The following TUSC2 variants were observed in gnomAD, a reference collection of about 807,000 sequenced individuals.
TUSC2 encodes tumor suppressor 2, mitochondrial calcium regulator, also known as tumor suppressor candidate 2.
A neutral mutation model predicts 11.5 loss-of-function variants in TUSC2; 7 were observed. That is an observed-to-expected ratio of 0.61 (90% CI 0.35 to 1.14). The LOEUF (loss-of-function observed/expected upper bound fraction) is 1.14. Among genes scored for constraint, TUSC2 ranks in the 50% most tolerant of loss-of-function variants. TUSC2 has a pLI of 0.03. For missense variants in TUSC2, 132 were observed against 155.0 expected (o/e 0.85, Z 0.79); for synonymous variants, 61 against 64.1 (o/e 0.95, Z 0.23).
rs782289758 is a variant in TUSC2, at chr3:50,326,073, G to A, written c.*48C>T. 1 of 1,552,986 alleles carries A rather than the reference G, an allele frequency of 6.4e-7. No homozygotes were observed. Among genetic ancestry groups the A allele is most frequent in the Non-Finnish European group, 8.7e-7 (1 of 1,147,174 alleles). ...GAAGCCACACCTTGATTGAGCCTGG[G>A]AGTTTCTTGCCGGGGCAGGGGGTGC... On this transcript the variant is annotated 3_prime_UTR_variant, in exon 3 of 3. Coordinates refer to ENST00000232496, the MANE Select transcript of TUSC2 (RefSeq NM_007275.3).
rs1553717668 is a variant in TUSC2, at chr3:50,328,135, G to A, written c.-36C>T. 3 of 1,359,802 alleles carry A rather than the reference G, an allele frequency of 2.2e-6. No homozygotes were observed. The highest frequency in any genetic ancestry group is 3.7e-5 in the Admixed American group (1 of 27,236). The allele number at this position is 1,359,802 out of a possible 1,614,324, so 84.2% of individuals were successfully genotyped here. ...CCGGCGCATGGCGGGCCCCGTGGCCGCTCTGCTCACACCGCAGTCCGCACT... is the reference window on the plus strand; with the variant it reads ...CCGGCGCATGGCGGGCCCCGTGGCCACTCTGCTCACACCGCAGTCCGCACT... On this transcript the variant is annotated 5_prime_UTR_variant, in exon 1 of 3. Transcript: ENST00000232496.
intron 1 of TUSC2, among the ~76,000 whole-genome samples, chr3:50,327,452 G>A (rs1359826571): frequency 3.3e-5 from 5 of 152,184 alleles, no homozygotes; most frequent in Admixed American, 6.5e-5. Flanking sequence ...TCTGGATCTG[G>A]AGAACATAAC....
At chr3:50,327,240 A>T (rs1553717498) in intron 1 of TUSC2, 1 of 456,560 alleles carries the variant, frequency 2.2e-6, no homozygotes, top group African/African-American at 2.0e-5. Flanking sequence ...AAGAAGCACA[A>T]AGGAATGAAG....
At position 50,328,061 on chromosome 3, in the gene TUSC2, G is replaced by A. The variant is rs782806332; in HGVS notation, c.39C>T (p.Pro13=). ...CGCCGCCTCCGGCCGCCGAGGCGAA[G>A]GGCCACAGGCCCCGAGCTTTGGACC... ...ASGSKARGLW[P]FASAAGGGGS... The change falls in exon 1 of 3, where the codon CCC becomes CCT. Residue 13 remains proline (P), a synonymous_variant. Coordinates refer to ENST00000232496, the MANE Select transcript of TUSC2 (RefSeq NM_007275.3). 328 of 1,488,730 alleles carry A rather than the reference G, an allele frequency of 2.2e-4. No individual in the cohort carries two copies. Among genetic ancestry groups the A allele is most frequent in the Non-Finnish European group, 2.8e-4 (319 of 1,119,440 alleles). 92.2% of individuals were successfully genotyped at this position (1,488,730 alleles called of 1,614,324 possible).
Position 50,325,350 on chromosome 3 carries a change from T to A in TUSC2, c.*771A>T, listed in dbSNP as rs1252779820. The A allele has an allele frequency of 6.6e-6, 1 of 151,734 alleles. No individual in the cohort carries two copies. The highest frequency in any genetic ancestry group is 2.4e-5 in the African/African-American group (1 of 41,158). The allele number at this position is 151,734 out of a possible 1,614,324, so 9.4% of individuals were successfully genotyped here. A position where few individuals can be genotyped will look rare whatever the true frequency, so the allele number is the denominator to read the frequency against. Reference sequence around the variant, plus strand: ...TGGAGATTAGACAGAATAGGTGGGTTGGAGTAACTCCCCATAGGCACAAGC... The same window carrying A: ...TGGAGATTAGACAGAATAGGTGGGTAGGAGTAACTCCCCATAGGCACAAGC... On this transcript the variant is annotated 3_prime_UTR_variant, in exon 3 of 3. Transcript: ENST00000232496. The surrounding 1 kb of genome is among the most constrained non-coding windows in gnomAD (Gnocchi z 5.1).
intron 1 of TUSC2, 140 bp downstream of exon 1, chr3:50,327,814 C>G: frequency 7.9e-7 from 1 of 1,261,058 alleles, no homozygotes; most frequent in Non-Finnish European, 1.0e-6. Context: ...CTTTCTCCAC[C>G]CCCAGCTCCA....
Position 50,325,888 on chromosome 3 carries a change from G to A in TUSC2, c.*233C>T, listed in dbSNP as rs1450983827. 8.7e-5 allele frequency: 51 copies of A among 588,740 alleles called. No homozygotes were observed. The highest frequency in any genetic ancestry group is 1.4e-4 in the Non-Finnish European group (46 of 328,042). 36.5% of individuals were successfully genotyped at this position (588,740 alleles called of 1,614,324 possible). On this transcript the variant is annotated 3_prime_UTR_variant, in exon 3 of 3. Transcript: ENST00000232496. The surrounding 1 kb of genome is among the most constrained non-coding windows in gnomAD (Gnocchi z 5.1). ...TGCAGGGGTGGCTTGGGAGAGTGGG[G>A]TGCTAACTCTGCCATTAGCCTTCAC... is the stretch of plus-strand genomic sequence containing the variant.
chr3:50,328,194 C>A lies in TUSC2; in HGVS notation c.-95G>T. 8 of 1,218,058 alleles carry A rather than the reference C, an allele frequency of 6.6e-6. No individual in the cohort carries two copies. Among genetic ancestry groups the A allele is most frequent in the Non-Finnish European group, 8.4e-6 (8 of 953,382 alleles). The allele number at this position is 1,218,058 out of a possible 1,614,324, so 75.5% of individuals were successfully genotyped here. On this transcript the variant is annotated 5_prime_UTR_variant, in exon 1 of 3. Coordinates refer to ENST00000232496, the MANE Select transcript of TUSC2 (RefSeq NM_007275.3). ...CTGCCCCAGCCGCTGATCGCAGGTG[C>A]CGCCGCCGCCGCCTTCCGCAGGCTC...
At chr3:50,326,898 G>A (rs782501026) in intron 1 of TUSC2, 3 of 325,796 alleles carry the variant, frequency 9.2e-6, no homozygotes, top group African/African-American at 2.2e-5. Flanking sequence ...GATTACAGGC[G>A]TGAGCCACGG....
At chr3:50,327,376 C>A (rs1387946997) in intron 1 of TUSC2, among the ~76,000 whole-genome samples, 2 of 152,174 alleles carry the variant, frequency 1.3e-5, no homozygotes, top group African/African-American at 4.8e-5. Context: ...TAGAGCCAAG[C>A]CAATCTGGTA....
At position 50,325,992 on chromosome 3, in the gene TUSC2, G is replaced by A. The variant is rs1702782352; in HGVS notation, c.*129C>T. 1.0e-5 allele frequency: 12 copies of A among 1,183,204 alleles called. No individual in the cohort carries two copies. The South Asian group carries it at 1.7e-4, about 17-fold the overall frequency. The allele number at this position is 1,183,204 out of a possible 1,614,324, so 73.3% of individuals were successfully genotyped here. On this transcript the variant is annotated 3_prime_UTR_variant, in exon 3 of 3. Coordinates refer to ENST00000232496, the MANE Select transcript of TUSC2 (RefSeq NM_007275.3). The surrounding 1 kb of genome is among the most constrained non-coding windows in gnomAD (Gnocchi z 5.1). ...GGGACCGACCCGCTCACAGCTGAAG[G>A]TTATGGGCCAACAGAGTTTATTCAG...
chr3:50,327,915 C>T, intron 1 of TUSC2, 39 bp downstream of exon 1: 2 of 1,401,166 alleles, frequency 1.4e-6, no homozygotes, highest in Non-Finnish European at 1.9e-6. Context: ...CCTGGCCGCC[C>T]GCCTGTTCCC....
At position 50,326,364 on chromosome 3, in the gene TUSC2, A is replaced by C; in HGVS notation, c.260T>G (p.Ile87Ser). 1 of 1,613,646 alleles carries C rather than the reference A, an allele frequency of 6.2e-7. No individual in the cohort carries two copies. Among genetic ancestry groups the C allele is most frequent in the South Asian group, 1.1e-5 (1 of 91,034 alleles). The stretch of plus-strand genomic sequence containing the variant: ...CGCTGCCCAGCCCCTCACCTGAGGA[A>C]TCAGATTCTTATGCACTCGCCTCAG... Reference protein sequence around the residue: ...AKLRRVHKNLIPQGIVKLDHP... With the variant: ...AKLRRVHKNLSPQGIVKLDHP... Residue 87 changes from isoleucine (I) to serine (S), a missense_variant, in exon 2 of 3, where the codon ATT becomes AGT. Physicochemically the swap from Ile to Ser is moderately radical, Grantham distance 142. This residue lies in a region of TUSC2 where 65 missense variants were observed against 94.0 expected (regional missense o/e 0.69). Coordinates refer to ENST00000232496, the MANE Select transcript of TUSC2 (RefSeq NM_007275.3).
In TUSC2 at chr3:50,328,085, C is replaced by CCCGCTGGCGCCCATGTCAGGG. The variant is rs1702815114; in HGVS notation, c.-7_14dup (p.Gly5_Ser6insProAspMetGlyAlaSerGly). ...AGGGCCACAGGCCCCGAGCTTTGGA[C>CCCGCTGGCGCCCATGTCAGGG]CCGCTGGCGCCCATGTCAGGGCCGC... On this transcript the variant is annotated inframe_insertion, in exon 1 of 3. Transcript: ENST00000232496. 1 of 1,405,380 alleles carries CCCGCTGGCGCCCATGTCAGGG rather than the reference C, an allele frequency of 7.1e-7. No individual in the cohort carries two copies. Among genetic ancestry groups the CCCGCTGGCGCCCATGTCAGGG allele is most frequent in the Non-Finnish European group, 9.3e-7 (1 of 1,080,744 alleles). The allele number at this position is 1,405,380 out of a possible 1,614,324, so 87.1% of individuals were successfully genotyped here. A position where few individuals can be genotyped will look rare whatever the true frequency, so the allele number is the denominator to read the frequency against.
Position 50,326,153 on chromosome 3 carries a change from C to T in TUSC2, c.301G>A (p.Val101Met), listed in dbSNP as rs140522021. ...IVKLDHPRIH[V>M]DFPVILYEV ...TCATAGAGGATCACAGGGAAATCCA[C>T]GTGGATGCGGGGGTGATCCAGCTTC... The change falls in exon 3 of 3, where the codon GTG (valine) becomes ATG (methionine). Residue 101 changes from valine (V) to methionine (M), a missense_variant. Val to Met is a conservative substitution (Grantham distance 21, BLOSUM62 1). Around this residue, in one of 3 missense-constraint regions of TUSC2, gnomAD observed 65 missense variants for 94.0 expected, o/e 0.69. Transcript: ENST00000232496. The T allele has an allele frequency of 1.5e-5, 24 of 1,597,732 alleles. No individual in the cohort carries two copies. The Admixed American group carries it at 1.8e-4, about 12-fold the overall frequency.
chr3:50,326,579 TGGGAAGAAAAGA>T, intron 1 of TUSC2, 102 bp from the exon 2 acceptor site: 1 of 1,533,676 alleles, frequency 6.5e-7, no homozygotes, highest in Non-Finnish European at 8.8e-7. Flanking sequence ...CAACCCCAAG[TGGGAAGAAAAGA>T]GGATAATATG....
At chr3:50,327,884 G>A in intron 1 of TUSC2, 70 bp downstream of exon 1, 8 of 1,383,114 alleles carry the variant, frequency 5.8e-6, no homozygotes, top group Non-Finnish European at 7.5e-6. Context: ...AGCGGTGGAA[G>A]TTCCCCCGTG....
At chr3:50,326,333 T>C in intron 2 of TUSC2, 24 bp downstream of exon 2, 1 of 1,613,848 alleles carries the variant, frequency 6.2e-7, no homozygotes. Context: ...GTGTAGGCTC[T>C]GTGACCGCTG....
chr3:50,327,682 G>A (rs1702806959), intron 1 of TUSC2, among the ~76,000 whole-genome samples: 1 of 144,704 alleles, frequency 6.9e-6, no homozygotes, highest in African/African-American at 2.9e-5. Flanking sequence ...TCTTATGGAG[G>A]TCTTATGGAG....
Sources: allele counts gnomAD v4.1 joint callset (sites outside exome capture counted in the v4.1 genomes callset), GRCh38; gene constraint gnomAD v4.1.1; regional missense constraint gnomAD v4.1.1; non-coding constraint Gnocchi (gnomAD v3.1); transcripts MANE v1.5; gene names NCBI Gene and HGNC (gene_info 2026-07-23, HGNC 2026-07-21).